The following ADAM20 variants were observed in gnomAD, a reference collection of about 807,000 sequenced individuals.
ADAM20 encodes the protein disintegrin and metalloproteinase domain-containing protein 20.
For synonymous variants in ADAM20, 305 were observed against 310.2 expected (o/e 0.98, Z 0.18); for missense variants, 871 against 883.2 (o/e 0.99, Z 0.18).
At chr14:70,549,222 G>A in the ADAM20 span, among the ~76,000 whole-genome samples, 380 of 91,584 alleles carry the variant, frequency 4.1e-3, 2 homozygotes, top group African/African-American at 0.016. Flanking sequence ...AAAGACCATC[G>A]AGACTAGGAA....
the ADAM20 span, among the ~76,000 whole-genome samples, chr14:70,578,515 G>A: frequency 4.6e-5 from 7 of 152,078 alleles, no homozygotes; most frequent in South Asian, 6.2e-4. Context: ...GAACTACAGC[G>A]TCTGCACAGC....
At chr14:70,558,449 C>G in the ADAM20 span, among the ~76,000 whole-genome samples, 1 of 152,054 alleles carries the variant, frequency 6.6e-6, no homozygotes, top group Admixed American at 6.6e-5. Context: ...AACTTTCAAA[C>G]ATATGTATCT....
chr14:70,555,581 C>A, the ADAM20 span, among the ~76,000 whole-genome samples: 1,414 of 152,294 alleles, frequency 9.3e-3, 26 homozygotes, highest in African/African-American at 0.032. Flanking sequence ...TTTAGCAAAC[C>A]TTTATCAGTT....
chr14:70,539,795 T>C (rs1314159550), upstream of ADAM20, among the ~76,000 whole-genome samples: 2 of 152,192 alleles, frequency 1.3e-5, no homozygotes, highest in Non-Finnish European at 2.9e-5. Flanking sequence ...TGTGACCATC[T>C]CACCTCATAA....
At chr14:70,569,885 C>CAAA in the ADAM20 span, among the ~76,000 whole-genome samples, 15 of 76,190 alleles carry the variant, frequency 2.0e-4, no homozygotes, top group Non-Finnish European at 2.4e-4. Context: ...AGAAAACTAA[C>CAAA]AAAAAAAAAA....
the ADAM20 span, chr14:70,557,057 T>C: frequency 6.6e-6 from 1 of 152,226 alleles, no homozygotes; most frequent in African/African-American, 2.4e-5. Flanking sequence ...CCCTGTGGCA[T>C]GGAAGGTTTA....
In ADAM20 at chr14:70,522,442, A is replaced by G; in HGVS notation, c.*135T>C. The G allele has an allele frequency of 1.1e-6, 1 of 890,294 alleles. No individual in the cohort carries two copies. Among genetic ancestry groups the G allele is most frequent in the Non-Finnish European group, 1.7e-6 (1 of 602,124 alleles). The allele number at this position is 890,294 out of a possible 1,614,324, so 55.1% of individuals were successfully genotyped here. A position where few individuals can be genotyped will look rare whatever the true frequency, so the allele number is the denominator to read the frequency against. On this transcript the variant is annotated 3_prime_UTR_variant, in exon 2 of 2. Coordinates refer to ENST00000256389, the MANE Select transcript of ADAM20 (RefSeq NM_003814.5). ...TAGGAATCCTTTGCTGTGATAGCTAATGCTTGCAATCCTGACATGAAATGT... is the reference window on the plus strand; with the variant it reads ...TAGGAATCCTTTGCTGTGATAGCTAGTGCTTGCAATCCTGACATGAAATGT...
rs142227667 is a variant in ADAM20, at chr14:70,530,021, G to A, written c.-177+4776C>T. The stretch of plus-strand genomic sequence containing the variant: ...TCGTAGGCCAGGCATGGTGGCTCAC[G>A]CCTGTAATCCCAGCACTTTGGGAGG... On this transcript the variant is annotated intron_variant, in intron 1 of 1. Coordinates refer to ENST00000256389, the MANE Select transcript of ADAM20 (RefSeq NM_003814.5). Among the ~76,000 whole-genome samples the A allele has an allele frequency of 8.2e-3, 1,253 of 152,230 alleles. 9 individuals are homozygous for A. Among genetic ancestry groups the A allele is most frequent in the South Asian group, 0.031 (149 of 4,822 alleles).
In ADAM20 at chr14:70,524,931, A is replaced by G; in HGVS notation, c.-174T>C. The G allele has an allele frequency of 6.4e-7, 1 of 1,565,190 alleles. No individual in the cohort carries two copies. Among genetic ancestry groups the G allele is most frequent in the East Asian group, 2.3e-5 (1 of 44,338 alleles). On this transcript the variant is annotated splice_region_variant and 5_prime_UTR_variant, in exon 2 of 2. Coordinates refer to ENST00000256389, the MANE Select transcript of ADAM20 (RefSeq NM_003814.5). ...ATCAGAGCTGCAGTGCTGAAAATAA[A>G]AACTGAAAGAGCCAGGATGGGGTGG...
chr14:70,523,027 C>G lies in ADAM20; in HGVS notation c.1731G>C (p.Glu577Asp), dbSNP rs1883487745. Residue 577 changes from glutamate (E) to aspartate (D), a missense_variant, in exon 2 of 2, where the codon GAG becomes GAC. Transcript: ENST00000256389. ...ENVGVIPNLI[E>D]HSTVQQFHLN... ...GGTGAAACTGCTGCACTGTAGAATG[C>G]TCTATCAGATTGGGAATTACTCCCA... is the stretch of plus-strand genomic sequence containing the variant. The G allele has an allele frequency of 6.2e-7, 1 of 1,613,898 alleles. No homozygotes were observed.
At chr14:70,571,584 T>C in the ADAM20 span, among the ~76,000 whole-genome samples, 1 of 152,204 alleles carries the variant, frequency 6.6e-6, no homozygotes, top group Non-Finnish European at 1.5e-5. Flanking sequence ...AATTGACTAA[T>C]ACATCCATTC....
intron 1 of ADAM20, among the ~76,000 whole-genome samples, chr14:70,528,458 A>C (rs985239505): frequency 6.6e-6 from 1 of 152,122 alleles, no homozygotes; most frequent in African/African-American, 2.4e-5. Flanking sequence ...TGGATACTTT[A>C]TTTCTTTTCA....
In ADAM20 at chr14:70,522,956, G is replaced by A. The variant is rs566441927; in HGVS notation, c.1802C>T (p.Ala601Val). The A allele has an allele frequency of 1.2e-6, 2 of 1,613,982 alleles. No individual in the cohort carries two copies. The highest frequency in any genetic ancestry group is 2.2e-5 in the South Asian group (2 of 91,074). Reference sequence around the variant, plus strand: ...TTTCACCTCACCAATATCAGGTATAGCCATCCCTAAATGATAATCAGTGCC... The same window carrying A: ...TTTCACCTCACCAATATCAGGTATAACCATCCCTAAATGATAATCAGTGCC... ...CWGTDYHLGM[A>V]IPDIGEVKDG... is the part of the protein sequence containing the mutation. Residue 601 changes from alanine (A) to valine (V), a missense_variant, in exon 2 of 2, where the codon GCT becomes GTT. Transcript: ENST00000256389.
the ADAM20 span, chr14:70,557,056 A>G: frequency 6.6e-6 from 1 of 152,208 alleles, no homozygotes; most frequent in African/African-American, 2.4e-5. Context: ...TCCCTGTGGC[A>G]TGGAAGGTTT....
the ADAM20 span, among the ~76,000 whole-genome samples, chr14:70,546,397 G>A: frequency 1.3e-5 from 2 of 152,162 alleles, no homozygotes; most frequent in Non-Finnish European, 2.9e-5. Flanking sequence ...AGGGAGACAT[G>A]AGACATCAAT....
chr14:70,553,541 A>C, the ADAM20 span, among the ~76,000 whole-genome samples: 2 of 148,762 alleles, frequency 1.3e-5, no homozygotes, highest in Admixed American at 6.7e-5. Flanking sequence ...AAAAAAAAAA[A>C]AAAAAAACTA....
At chr14:70,537,061 T>G (rs1398167839), upstream of ADAM20, among the ~76,000 whole-genome samples, 1 of 152,132 alleles carries the variant, frequency 6.6e-6, no homozygotes, top group Non-Finnish European at 1.5e-5. Context: ...ACTTCTTACA[T>G]TTGGTGCTGA....
At chr14:70,549,143 T>C in the ADAM20 span, among the ~76,000 whole-genome samples, 1 of 70,076 alleles carries the variant, frequency 1.4e-5, no homozygotes. Context: ...CTAAAAGAGC[T>C]CCTGAAGGAA....
At chr14:70,556,269 T>C in the ADAM20 span, 1 of 152,364 alleles carries the variant, frequency 6.6e-6, no homozygotes, top group Non-Finnish European at 1.5e-5. Context: ...AGGGCTGTCT[T>C]AATGGCCTGC....
Sources: allele counts gnomAD v4.1 joint callset (sites outside exome capture counted in the v4.1 genomes callset), GRCh38; gene constraint gnomAD v4.1.1; transcripts MANE v1.5; gene names NCBI Gene and HGNC (gene_info 2026-07-23, HGNC 2026-07-21).